Variants in DGCR8 observed in about 807,000 individuals in gnomAD.
DGCR8 encodes the protein microprocessor complex subunit DGCR8.
Under a neutral mutation model 78.5 loss-of-function variants are expected in DGCR8, and 14 were observed. The observed-to-expected ratio is 0.18, with a 90% CI of 0.12 to 0.28. The LOEUF (loss-of-function observed/expected upper bound fraction) is 0.28. DGCR8 is among the 10% of genes least tolerant of loss of function. The probability of loss-of-function intolerance (pLI) is 1.00; values close to 1 mark genes in which losing one functional copy is unlikely to be tolerated. For missense variants in DGCR8, 702 were observed against 1,022.5 expected (o/e 0.69, Z 4.28); for synonymous variants, 399 against 402.4 (o/e 0.99, Z 0.10).
intron 12 of DGCR8, 102 bp from the exon 13 acceptor site, chr22:20,108,788 G>GGT (rs1568963287): frequency 1.2e-4 from 90 of 769,652 alleles, no homozygotes; most frequent in Admixed American, 1.7e-4. Flanking sequence ...CCAGACCCTG[G>GGT]GCGCGCCTGC....
Position 20,111,752 on chromosome 22 carries a change from T to G in DGCR8, c.*1644T>G. 1 of 203,802 alleles carries G rather than the reference T, an allele frequency of 4.9e-6. No homozygotes were observed. Among genetic ancestry groups the G allele is most frequent in the Non-Finnish European group, 8.7e-6 (1 of 114,674 alleles). 12.6% of individuals were successfully genotyped at this position (203,802 alleles called of 1,614,324 possible). A position where few individuals can be genotyped will look rare whatever the true frequency, so the allele number is the denominator to read the frequency against. ...GTCTGCCAAGCATGGGTATGAATCG[T>G]GCACACAGCCATGCTTCAAGGCCGG... On this transcript the variant is annotated 3_prime_UTR_variant, in exon 14 of 14. Coordinates refer to ENST00000351989, the MANE Select transcript of DGCR8 (RefSeq NM_022720.7).
At chr22:20,102,669 A>T (rs9606250) in intron 9 of DGCR8, among the ~76,000 whole-genome samples, 26,298 of 152,104 alleles carry the variant, frequency 0.17, 2,882 homozygotes, top group South Asian at 0.27. Flanking sequence ...GGGGCTGTCT[A>T]CTGTCTTTCG....
rs546639724 is a variant in DGCR8 at position 20,082,692 on chromosome 22, A to G, written c.-278+2309A>G. On this transcript the variant is annotated intron_variant, in intron 1 of 13. Transcript: ENST00000351989. ...CAGAGTGGTTCTTTTAAACCATAAG[A>G]TGGTATAAAACAGAGGCGGTGTAGA... Among the ~76,000 whole-genome samples, 40 of 152,318 alleles carry G rather than the reference A, an allele frequency of 2.6e-4. 1 individual carries two copies. In the South Asian group the frequency reaches 7.9e-3, roughly 30 times the overall value.
chr22:20,098,416 T>A (rs1370358836), intron 9 of DGCR8, among the ~76,000 whole-genome samples: 2 of 152,206 alleles, frequency 1.3e-5, no homozygotes, highest in African/African-American at 4.8e-5. Flanking sequence ...TCCCTTCATG[T>A]ATGGGCTGTC....
chr22:20,107,223 A>C (rs764974951), intron 11 of DGCR8, 48 bp from the exon 12 acceptor site: 9 of 1,613,138 alleles, frequency 5.6e-6, no homozygotes, highest in Non-Finnish European at 7.6e-6. Context: ...CCCCATGAGC[A>C]CTGGGTGTTT....
chr22:20,092,999 TG>T lies in DGCR8; in HGVS notation c.1705+97del. 3 of 850,704 alleles carry T rather than the reference TG, an allele frequency of 3.5e-6. No individual in the cohort carries two copies. The South Asian group carries it at 5.0e-5, about 14-fold the overall frequency. 52.7% of individuals were successfully genotyped at this position (850,704 alleles called of 1,614,324 possible). On this transcript the variant is annotated intron_variant, in intron 8 of 13. Coordinates refer to ENST00000351989, the MANE Select transcript of DGCR8 (RefSeq NM_022720.7). ...GGAGGGGCTGAGCAGTGGTGACAAG[TG>T]GGGGATGTGGGTGGGGCATGTTTAT...
At chr22:20,104,596 G>A (rs1222146851) in intron 9 of DGCR8, among the ~76,000 whole-genome samples, 1 of 152,198 alleles carries the variant, frequency 6.6e-6, no homozygotes, top group Non-Finnish European at 1.5e-5. Flanking sequence ...CGACAGCACT[G>A]GACGTTGCTA....
chr22:20,101,968 C>T, intron 9 of DGCR8: 1 of 985,418 alleles, frequency 1.0e-6, no homozygotes, highest in East Asian at 1.1e-4. Flanking sequence ...AAAGGAACAA[C>T]TGGCATCATT....
chr22:20,080,579 G>T, intron 1 of DGCR8, 196 bp downstream of exon 1: 1 of 759,630 alleles, frequency 1.3e-6, no homozygotes, highest in Non-Finnish European at 1.6e-6. Context: ...GGGGCTGGGG[G>T]GCGGGCCCCG....
At chr22:20,105,862 T>C (rs1389385345) in intron 9 of DGCR8, among the ~76,000 whole-genome samples, 1 of 152,202 alleles carries the variant, frequency 6.6e-6, no homozygotes, top group East Asian at 1.9e-4. Context: ...AAGGGTGCCT[T>C]ATGGATCAGA....
In DGCR8 at chr22:20,086,253, G is replaced by A. The variant is rs748162875; in HGVS notation, c.290G>A (p.Arg97His). The change falls in exon 2 of 14, where the codon CGC (arginine) becomes CAC (histidine). Residue 97 changes from arginine (R) to histidine (H), a missense_variant. By Grantham distance (29) the Arg-to-His change is conservative. Transcript: ENST00000351989. The surrounding 1 kb of genome is among the most constrained non-coding windows in gnomAD (Gnocchi z 6.4). ...CCGAACTGTAGTGGCCACAGCCCGCGCACCGCCCGGCACGCACCTGCGGTC... is the reference window on the plus strand; with the variant it reads ...CCGAACTGTAGTGGCCACAGCCCGCACACCGCCCGGCACGCACCTGCGGTC... ...IDPNCSGHSP[R>H]TARHAPAVRK... 6.2e-6 allele frequency: 10 copies of A among 1,614,042 alleles called. No individual in the cohort carries two copies. The highest frequency in any genetic ancestry group is 2.2e-5 in the East Asian group (1 of 44,888).
Position 20,092,793 on chromosome 22 carries a change from T to G in DGCR8, c.1607-16T>G, listed in dbSNP as rs372296867. On this transcript the variant is annotated splice_polypyrimidine_tract_variant and intron_variant, in intron 7 of 13. Transcript: ENST00000351989. Reference sequence around the variant, plus strand: ...CTTGACTCGTATGTTTTAAAACAAGTAATTTTAATTTTAAGAGAACCCAAG... The same window carrying G: ...CTTGACTCGTATGTTTTAAAACAAGGAATTTTAATTTTAAGAGAACCCAAG... 1.9e-4 allele frequency: 307 copies of G among 1,605,182 alleles called. No individual in the cohort carries two copies. The highest frequency in any genetic ancestry group is 2.5e-4 in the Non-Finnish European group (288 of 1,173,206).
Position 20,085,875 on chromosome 22 carries a change from C to G in DGCR8, c.-89C>G. The G allele has an allele frequency of 1.3e-6, 2 of 1,500,210 alleles. No individual in the cohort carries two copies. Among genetic ancestry groups the G allele is most frequent in the Non-Finnish European group, 1.8e-6 (2 of 1,132,438 alleles). 92.9% of individuals were successfully genotyped at this position (1,500,210 alleles called of 1,614,324 possible). A position where few individuals can be genotyped will look rare whatever the true frequency, so the allele number is the denominator to read the frequency against. On this transcript the variant is annotated 5_prime_UTR_variant, in exon 2 of 14. Coordinates refer to ENST00000351989, the MANE Select transcript of DGCR8 (RefSeq NM_022720.7). The surrounding 1 kb of genome is among the most constrained non-coding windows in gnomAD (Gnocchi z 6.2). ...ACAGCGCGGCAGGACGCGCCCGGGTCTCAGCGGACTTGTGCATGTTAGCTG... is the reference window on the plus strand; with the variant it reads ...ACAGCGCGGCAGGACGCGCCCGGGTGTCAGCGGACTTGTGCATGTTAGCTG...
chr22:20,081,102 G>A (rs1351001406), intron 1 of DGCR8, among the ~76,000 whole-genome samples: 2 of 152,226 alleles, frequency 1.3e-5, no homozygotes, highest in African/African-American at 4.8e-5. Context: ...TCACAAAAGG[G>A]AGTGAATGGC....
intron 9 of DGCR8, among the ~76,000 whole-genome samples, chr22:20,100,984 G>T (rs1568959405): frequency 1.3e-5 from 2 of 152,272 alleles, no homozygotes; most frequent in East Asian, 3.9e-4. Flanking sequence ...AGGAACTCAG[G>T]AAAAATTTTA....
At chr22:20,080,874 A>G (rs1215000895) in intron 1 of DGCR8, among the ~76,000 whole-genome samples, 3 of 152,276 alleles carry the variant, frequency 2.0e-5, no homozygotes, top group Admixed American at 6.5e-5. Flanking sequence ...ACCTGTTGAC[A>G]GTGATGCCTG....
At position 20,086,897 on chromosome 22, in the gene DGCR8, G is replaced by C. The variant is rs2049491419; in HGVS notation, c.720+214G>C. ...AATGAAAAGTTTGGCCCATGGGTAG[G>C]CCCTGCATCCCTGATCTAGCGCGTG... On this transcript the variant is annotated intron_variant, in intron 2 of 13. Coordinates refer to ENST00000351989, the MANE Select transcript of DGCR8 (RefSeq NM_022720.7). This position sits in a 1 kb window ranked among gnomAD's most constrained non-coding sequence, Gnocchi z 6.4. 2.6e-6 allele frequency: 2 copies of C among 756,342 alleles called. No homozygotes were observed. Among genetic ancestry groups the C allele is most frequent in the African/African-American group, 1.8e-5 (1 of 56,732 alleles). 46.9% of individuals were successfully genotyped at this position (756,342 alleles called of 1,614,324 possible).
rs2049847043 is a variant in DGCR8, at chr22:20,111,603, T to C, written c.*1495T>C. The C allele has an allele frequency of 2.6e-6, 1 of 390,382 alleles. No homozygotes were observed. The highest frequency in any genetic ancestry group is 3.6e-5 in the East Asian group (1 of 27,598). 24.2% of individuals were successfully genotyped at this position (390,382 alleles called of 1,614,324 possible). On this transcript the variant is annotated 3_prime_UTR_variant, in exon 14 of 14. Transcript: ENST00000351989. ...GCCAGATGCGCCTGTGAACCAAAGC[T>C]TCGTGCACATGTGTTCCCCTAAAGG...
chr22:20,084,995 C>G (rs903085950), intron 1 of DGCR8: 2 of 985,318 alleles, frequency 2.0e-6, no homozygotes, highest in African/African-American at 3.5e-5. Flanking sequence ...TGTGCCTCGG[C>G]TCCAGCTGTC....
Sources: allele counts gnomAD v4.1 joint callset (sites outside exome capture counted in the v4.1 genomes callset), GRCh38; gene constraint gnomAD v4.1.1; non-coding constraint Gnocchi (gnomAD v3.1); transcripts MANE v1.5; gene names NCBI Gene and HGNC (gene_info 2026-07-23, HGNC 2026-07-21).